CNTN4: variants seen among roughly 807,000 people sequenced by gnomAD.
The protein encoded by CNTN4 is contactin-4.
Under a neutral mutation model 122.5 loss-of-function variants are expected in CNTN4, and 77 were observed. That is an observed-to-expected ratio of 0.63 (90% CI 0.52 to 0.76). CNTN4 has a LOEUF of 0.76. CNTN4 is among the 30% of genes least tolerant of loss of function. CNTN4 has a pLI of 0.00. For missense variants in CNTN4, 1,256 were observed against 1,259.1 expected (o/e 1.00, Z 0.04); for synonymous variants, 512 against 447.0 (o/e 1.15, Z -1.83).
At chr3:2,593,198 T>C (rs1430753887) in intron 4 of CNTN4, among the ~76,000 whole-genome samples, 1 of 152,236 alleles carries the variant, frequency 6.6e-6, no homozygotes, top group African/African-American at 2.4e-5. Flanking sequence ...CATAATATTA[T>C]AGCTGAAATT....
rs546510753 is a variant in CNTN4 at position 2,894,030 on chromosome 3, A to G, written c.941-6655A>G. On this transcript the variant is annotated intron_variant, in intron 10 of 24. Transcript: ENST00000418658. ...TTAAAATAACAAAAATACAACCAGT[A>G]TATGTTAGAAATAATTAACATAAGA... Among the ~76,000 whole-genome samples the G allele has an allele frequency of 5.9e-5, 9 of 152,356 alleles. No individual in the cohort carries two copies. The South Asian group carries it at 1.2e-3, about 21-fold the overall frequency.
intron 4 of CNTN4, among the ~76,000 whole-genome samples, chr3:2,611,691 T>A (rs1394941540): frequency 1.3e-5 from 2 of 152,054 alleles, no homozygotes; most frequent in Non-Finnish European, 2.9e-5. Context: ...CCTGCAAGTG[T>A]CAATGGAGGC....
In CNTN4 at chr3:2,268,615, A is replaced by C. The variant is rs75405035; in HGVS notation, c.-144-70563A>C. 5.4e-3 allele frequency among the ~76,000 whole-genome samples: 815 copies of C among 152,236 alleles called. 14 individuals carry two copies. The highest frequency in any genetic ancestry group is 0.019 in the African/African-American group (781 of 41,558). On this transcript the variant is annotated intron_variant, in intron 2 of 24. Coordinates refer to ENST00000418658, the MANE Select transcript of CNTN4 (RefSeq NM_175607.3). Reference sequence around the variant, plus strand: ...TTTTAGGATAGACTAGGTCCTAGTTAATGTGATATATCTCTATTTCTGTCT... The same window carrying C: ...TTTTAGGATAGACTAGGTCCTAGTTCATGTGATATATCTCTATTTCTGTCT...
At chr3:2,967,849 C>CT (rs796772751) in intron 13 of CNTN4, among the ~76,000 whole-genome samples, 6,362 of 108,806 alleles carry the variant, frequency 0.058, 328 homozygotes, top group African/African-American at 0.15. Context: ...GTTTTGTTTG[C>CT]TTTTTTTTTT....
Position 2,672,764 on chromosome 3 carries a change from A to G in CNTN4, c.56-63451A>G, listed in dbSNP as rs147101770. On this transcript the variant is annotated intron_variant, in intron 4 of 24. Coordinates refer to ENST00000418658, the MANE Select transcript of CNTN4 (RefSeq NM_175607.3). ...AAATGTTTTAAATATGCAACTTTCC[A>G]TTGCTCAAGGCAGACAGGACCCTTA... 3.3e-3 allele frequency among the ~76,000 whole-genome samples: 506 copies of G among 152,270 alleles called. 3 individuals carry two copies. The highest frequency in any genetic ancestry group is 0.012 in the African/African-American group (481 of 41,562).
chr3:2,759,529 G>T (rs536566901), intron 6 of CNTN4, among the ~76,000 whole-genome samples: 1 of 152,122 alleles, frequency 6.6e-6, no homozygotes, highest in Non-Finnish European at 1.5e-5. Flanking sequence ...TCAGTTGATG[G>T]ACGCTTGGGT....
At chr3:2,829,511 G>T (rs937060925) in intron 7 of CNTN4, among the ~76,000 whole-genome samples, 1 of 152,174 alleles carries the variant, frequency 6.6e-6, no homozygotes. Context: ...CATGTCTACA[G>T]GAGTGACTTG....
At chr3:2,406,335 A>G (rs1213538786) in intron 3 of CNTN4, among the ~76,000 whole-genome samples, 1 of 152,178 alleles carries the variant, frequency 6.6e-6, no homozygotes, top group Non-Finnish European at 1.5e-5. Context: ...TTCTTGTGAA[A>G]AATATATAAC....
intron 2 of CNTN4, among the ~76,000 whole-genome samples, chr3:2,143,321 A>G (rs2035092858): frequency 6.6e-6 from 1 of 152,222 alleles, no homozygotes; most frequent in African/African-American, 2.4e-5. Context: ...AAGTTAAACC[A>G]AAGTTTGTCA....
At chr3:2,830,397 G>A (rs2093078978) in intron 7 of CNTN4, among the ~76,000 whole-genome samples, 1 of 152,340 alleles carries the variant, frequency 6.6e-6, no homozygotes, top group South Asian at 2.1e-4. Flanking sequence ...AGGAAATAAT[G>A]TTTGGAAAAT....
intron 2 of CNTN4, among the ~76,000 whole-genome samples, chr3:2,136,645 G>C (rs1234585226): frequency 6.6e-6 from 1 of 151,500 alleles, no homozygotes; most frequent in East Asian, 1.9e-4. Flanking sequence ...GGTTTTGAGA[G>C]TATACATCTT....
chr3:2,157,380 G>C (rs2035767132), intron 2 of CNTN4, among the ~76,000 whole-genome samples: 2 of 152,206 alleles, frequency 1.3e-5, no homozygotes, highest in African/African-American at 2.4e-5. Flanking sequence ...TGTGTTTACG[G>C]GGTTAGTGAG....
intron 4 of CNTN4, among the ~76,000 whole-genome samples, chr3:2,711,897 A>G (rs557825113): frequency 6.6e-6 from 1 of 152,234 alleles, no homozygotes; most frequent in Non-Finnish European, 1.5e-5. Context: ...CCAGTTGTAT[A>G]TGGTACAAAT....
At chr3:2,830,945 G>C (rs2093090936) in intron 7 of CNTN4, among the ~76,000 whole-genome samples, 1 of 152,192 alleles carries the variant, frequency 6.6e-6, no homozygotes, top group Non-Finnish European at 1.5e-5. Flanking sequence ...CTCTGGTTAG[G>C]AGCTCAGAAA....
chr3:2,101,511 C>CA (rs2031956484), intron 2 of CNTN4, among the ~76,000 whole-genome samples: 1 of 152,052 alleles, frequency 6.6e-6, no homozygotes, highest in Non-Finnish European at 1.5e-5. Flanking sequence ...TTGAATAAGT[C>CA]TATTTCATAT....
At chr3:2,852,363 C>G (rs999786071) in intron 7 of CNTN4, among the ~76,000 whole-genome samples, 1 of 152,078 alleles carries the variant, frequency 6.6e-6, no homozygotes, top group Non-Finnish European at 1.5e-5. Context: ...ATTAGGGTAG[C>G]TTTATTCCTT....
At chr3:2,788,917 A>G (rs1474020) in intron 6 of CNTN4, among the ~76,000 whole-genome samples, 78,917 of 152,028 alleles carry the variant, frequency 0.52, 20,559 homozygotes, top group East Asian at 0.59. Context: ...ATAGATGAGC[A>G]TATCAATCTT....
intron 4 of CNTN4, among the ~76,000 whole-genome samples, chr3:2,658,330 C>T (rs1576365318): frequency 6.6e-6 from 1 of 152,048 alleles, no homozygotes; most frequent in Admixed American, 6.6e-5. Flanking sequence ...GTCTTACTCA[C>T]ACTTCAAACC....
intron 4 of CNTN4, among the ~76,000 whole-genome samples, chr3:2,625,164 A>T (rs577038126): frequency 3.3e-5 from 5 of 152,266 alleles, no homozygotes; most frequent in African/African-American, 1.2e-4. Context: ...AATCGTGCTT[A>T]ATAAGAATTG....
Sources: allele counts gnomAD v4.1 joint callset (sites outside exome capture counted in the v4.1 genomes callset), GRCh38; gene constraint gnomAD v4.1.1; transcripts MANE v1.5; gene names NCBI Gene and HGNC (gene_info 2026-07-23, HGNC 2026-07-21).